Variants in SLCO3A1 observed in about 807,000 individuals in gnomAD.
SLCO3A1 encodes the protein solute carrier organic anion transporter family member 3A1, also known as PGE1 transporter.
A neutral mutation model predicts 63.1 loss-of-function variants in SLCO3A1; 27 were observed. The observed-to-expected ratio is 0.43, with a 90% CI of 0.32 to 0.59. The LOEUF (loss-of-function observed/expected upper bound fraction) is 0.59, where lower values mean the gene tolerates loss of function less well. Ranked by LOEUF, SLCO3A1 falls within the 20% of genes least tolerant of loss-of-function variation. The pLI, the probability that SLCO3A1 is intolerant of heterozygous loss-of-function variation, is 0.09. For synonymous variants in SLCO3A1, 473 were observed against 409.9 expected (o/e 1.15, Z -1.86); for missense variants, 773 against 945.8 (o/e 0.82, Z 2.40).
intron 2 of SLCO3A1, among the ~76,000 whole-genome samples, chr15:92,030,250 A>G (rs2151478854): frequency 1.3e-5 from 2 of 152,292 alleles, no homozygotes; most frequent in East Asian, 3.9e-4. Context: ...CCCTCCTTTC[A>G]TGGCCTTGAG....
chr15:92,093,133 C>T (rs184059303), intron 2 of SLCO3A1, among the ~76,000 whole-genome samples: 19 of 152,302 alleles, frequency 1.2e-4, no homozygotes, highest in Non-Finnish European at 2.4e-4. Context: ...TTAGTTCATT[C>T]TTGCCTTGCT....
Position 91,916,517 on chromosome 15 carries a change from G to A in SLCO3A1, c.646+59G>A, listed in dbSNP as rs993952585. The A allele has an allele frequency of 1.3e-5, 17 of 1,288,056 alleles. No homozygotes were observed. The highest frequency in any genetic ancestry group is 8.2e-5 in the South Asian group (6 of 72,846). The allele number at this position is 1,288,056 out of a possible 1,614,324, so 79.8% of individuals were successfully genotyped here. On this transcript the variant is annotated intron_variant, in intron 2 of 9. Coordinates refer to ENST00000318445, the MANE Select transcript of SLCO3A1 (RefSeq NM_013272.4). The surrounding 1 kb of genome is among the most constrained non-coding windows in gnomAD (Gnocchi z 6.2). ...CAGGGTGTGTTGACCATGGATAAAA[G>A]GTGGCCTGGTGGACTTTGATTTTGC...
At chr15:92,143,383 A>ATTATAT in intron 7 of SLCO3A1, among the ~76,000 whole-genome samples, 1 of 1,050 alleles carries the variant, frequency 9.5e-4, no homozygotes, top group African/African-American at 1.1e-3. Flanking sequence ...TAATATATAT[A>ATTATAT]ATATATATAT....
chr15:91,871,530 C>G (rs1334286060), intron 1 of SLCO3A1, among the ~76,000 whole-genome samples: 5 of 152,172 alleles, frequency 3.3e-5, no homozygotes, highest in African/African-American at 1.2e-4. Flanking sequence ...GATGTTTTCT[C>G]TCTTCCCTAG....
At chr15:91,999,560 C>T (rs1467045790) in intron 2 of SLCO3A1, among the ~76,000 whole-genome samples, 1 of 152,196 alleles carries the variant, frequency 6.6e-6, no homozygotes, top group South Asian at 2.1e-4. Flanking sequence ...TGTCCTACAC[C>T]TTTCAGATTG....
chr15:92,102,334 T>C (rs1485062393), intron 3 of SLCO3A1, among the ~76,000 whole-genome samples: 1 of 152,282 alleles, frequency 6.6e-6, no homozygotes, highest in African/African-American at 2.4e-5. Context: ...GTACCCTTTT[T>C]TAAAAAGATC....
intron 2 of SLCO3A1, among the ~76,000 whole-genome samples, chr15:92,055,944 C>T (rs1367088086): frequency 6.6e-6 from 1 of 152,038 alleles, no homozygotes; most frequent in Non-Finnish European, 1.5e-5. Context: ...TTTTAGAATC[C>T]ACAAACCGTG....
chr15:91,993,341 G>T (rs1200779318), intron 2 of SLCO3A1, among the ~76,000 whole-genome samples: 8 of 152,152 alleles, frequency 5.3e-5, no homozygotes, highest in Admixed American at 5.2e-4. Context: ...GAGCACTTTT[G>T]GTTTGAAGTT....
At position 91,967,839 on chromosome 15, in the gene SLCO3A1, G is replaced by A. The variant is rs755329705; in HGVS notation, c.646+51381G>A. ...TCACTTCAGTGTTCTCCCAAATCCC[G>A]CTGGCATAGGCTCTTTCCTTGTCTG... On this transcript the variant is annotated intron_variant, in intron 2 of 9. Transcript: ENST00000318445. The surrounding 1 kb of genome is among the most constrained non-coding windows in gnomAD (Gnocchi z 4.4). Among the ~76,000 whole-genome samples, 4 of 152,248 alleles carry A rather than the reference G, an allele frequency of 2.6e-5. No homozygotes were observed. Among genetic ancestry groups the A allele is most frequent in the South Asian group, 2.1e-4 (1 of 4,826 alleles).
chr15:91,901,023 A>G (rs975410225), intron 1 of SLCO3A1, among the ~76,000 whole-genome samples: 1 of 151,884 alleles, frequency 6.6e-6, no homozygotes, highest in Non-Finnish European at 1.5e-5. Flanking sequence ...ATGTAGTTGC[A>G]TTTACACCTG....
intron 9 of SLCO3A1, among the ~76,000 whole-genome samples, chr15:92,156,435 A>G (rs2238345): frequency 0.032 from 4,848 of 152,200 alleles, 294 homozygotes; most frequent in East Asian, 0.29. Flanking sequence ...AGTATTTACC[A>G]TGGGCCCTCT....
intron 2 of SLCO3A1, among the ~76,000 whole-genome samples, chr15:91,924,533 G>GA: frequency 6.6e-6 from 1 of 152,154 alleles, no homozygotes; most frequent in African/African-American, 2.4e-5. Flanking sequence ...AATAAAACAC[G>GA]AAAAAAGAAA....
At position 91,912,809 on chromosome 15, in the gene SLCO3A1, C is replaced by T. The variant is rs1898527274; in HGVS notation, c.181-3184C>T. Among the ~76,000 whole-genome samples the T allele has an allele frequency of 6.6e-6, 1 of 152,180 alleles. No homozygotes were observed. The highest frequency in any genetic ancestry group is 1.5e-5 in the Non-Finnish European group (1 of 68,036). On this transcript the variant is annotated intron_variant, in intron 1 of 9. Transcript: ENST00000318445. The surrounding 1 kb of genome is among the most constrained non-coding windows in gnomAD (Gnocchi z 5.0). Reference sequence around the variant, plus strand: ...GACTTTCTAGGGGACCCCACCCAGACATGTTCTTTTCCACTTCTGCATCCA... The same window carrying T: ...GACTTTCTAGGGGACCCCACCCAGATATGTTCTTTTCCACTTCTGCATCCA...
Position 91,948,692 on chromosome 15 carries a change from G to C in SLCO3A1, c.646+32234G>C, listed in dbSNP as rs1364761527. On this transcript the variant is annotated intron_variant, in intron 2 of 9. Transcript: ENST00000318445. The surrounding 1 kb of genome is among the most constrained non-coding windows in gnomAD (Gnocchi z 4.8). ...GGGTTTTCCTGCCCTGAGAAGAGAG[G>C]GCCGTCCAAGGAATAGGAGAGCCAT... is the stretch of plus-strand genomic sequence containing the variant. Among the ~76,000 whole-genome samples, 2 of 152,158 alleles carry C rather than the reference G, an allele frequency of 1.3e-5. No individual in the cohort carries two copies. The highest frequency in any genetic ancestry group is 2.9e-5 in the Non-Finnish European group (2 of 68,028).
intron 9 of SLCO3A1, among the ~76,000 whole-genome samples, chr15:92,151,974 G>A (rs981169333): frequency 5.3e-5 from 8 of 152,248 alleles, no homozygotes; most frequent in African/African-American, 7.2e-5. Flanking sequence ...GTCTATAATC[G>A]CAGTAGGATT....
In SLCO3A1 at chr15:91,886,439, G is replaced by A. The variant is rs918111306; in HGVS notation, c.181-29554G>A. 3.9e-5 allele frequency among the ~76,000 whole-genome samples: 6 copies of A among 152,166 alleles called. No homozygotes were observed. The highest frequency in any genetic ancestry group is 5.9e-5 in the Non-Finnish European group (4 of 68,032). On this transcript the variant is annotated intron_variant, in intron 1 of 9. Coordinates refer to ENST00000318445, the MANE Select transcript of SLCO3A1 (RefSeq NM_013272.4). This position sits in a 1 kb window ranked among gnomAD's most constrained non-coding sequence, Gnocchi z 4.9. ...GTGGCTCCTGTTTGTGTCCACATCA[G>A]CGTGAGTTGTGTGAAGTCCTCAGCA...
At chr15:92,113,066 T>G (rs2047748802) in intron 4 of SLCO3A1, among the ~76,000 whole-genome samples, 1 of 152,222 alleles carries the variant, frequency 6.6e-6, no homozygotes, top group Non-Finnish European at 1.5e-5. Flanking sequence ...GCCTATTCCC[T>G]TAGTCTTTTT....
rs1464264157 is a variant in SLCO3A1, at chr15:91,968,598, GAGA to G, written c.646+52146_646+52148del. Reference sequence around the variant, plus strand: ...GGAAGTTCCATCACAGACAAGGAGTGAGAAGAAGCCAGGGTAGAAACAAGCGAC... The same window carrying G: ...GGAAGTTCCATCACAGACAAGGAGTGAGAAGCCAGGGTAGAAACAAGCGAC... On this transcript the variant is annotated intron_variant, in intron 2 of 9. Transcript: ENST00000318445. This position sits in a 1 kb window ranked among gnomAD's most constrained non-coding sequence, Gnocchi z 4.2. Among the ~76,000 whole-genome samples the G allele has an allele frequency of 1.3e-5, 2 of 152,162 alleles. No individual in the cohort carries two copies. Among genetic ancestry groups the G allele is most frequent in the South Asian group, 2.1e-4 (1 of 4,830 alleles).
intron 7 of SLCO3A1, among the ~76,000 whole-genome samples, chr15:92,146,587 T>G (rs1288189806): frequency 6.6e-6 from 1 of 152,128 alleles, no homozygotes; most frequent in Non-Finnish European, 1.5e-5. Flanking sequence ...TTAATACACT[T>G]CAGTGTAATT....
Sources: gnomAD v4.1 joint callset for allele counts (sites outside exome capture counted in the v4.1 genomes callset) on GRCh38, gnomAD v4.1.1 for gene constraint, Gnocchi (gnomAD v3.1) non-coding constraint, MANE v1.5 for transcripts, NCBI Gene and HGNC (gene_info 2026-07-23, HGNC 2026-07-21) for gene names.